The following PRRC2C variants were observed in gnomAD, a reference collection of about 807,000 sequenced individuals.
PRRC2C encodes protein PRRC2C.
PRRC2C carries 72 observed loss-of-function variants against 317.2 expected under a neutral mutation model. That is an observed-to-expected ratio of 0.23 (90% confidence interval 0.19 to 0.28). The LOEUF (loss-of-function observed/expected upper bound fraction) is 0.28. Among genes scored for constraint, PRRC2C ranks in the 10% least tolerant of loss-of-function variants. PRRC2C has a pLI of 1.00. For synonymous variants in PRRC2C, 1,296 were observed against 1,205.9 expected (o/e 1.07, Z -1.55); for missense variants, 3,074 against 3,459.7 (o/e 0.89, Z 2.80).
rs1412989194 is a variant in PRRC2C at position 171,546,831 on chromosome 1, C to T, written c.4972+1144C>T. 2.6e-5 allele frequency among the ~76,000 whole-genome samples: 4 copies of T among 151,752 alleles called. No homozygotes were observed. In the East Asian group the frequency reaches 5.9e-4, roughly 22 times the overall value. On this transcript the variant is annotated intron_variant, in intron 17 of 34. Transcript: ENST00000647382. ...TGGGTTTTCGCCATGTTGTCCAGGT[C>T]GGTCCGGAACTCCTGAGCTTAAGCC...
chr1:171,573,968 C>T (rs188572194), intron 24 of PRRC2C, among the ~76,000 whole-genome samples: 3 of 151,972 alleles, frequency 2.0e-5, no homozygotes, highest in South Asian at 2.1e-4. Context: ...TGAGCCACCG[C>T]ACCCGGCCTC....
intron 17 of PRRC2C, among the ~76,000 whole-genome samples, chr1:171,546,078 A>ATAAT (rs1410908676): frequency 8.5e-5 from 13 of 152,338 alleles, no homozygotes; most frequent in African/African-American, 2.9e-4. Flanking sequence ...GTTAAACTCA[A>ATAAT]TAATTATGTC....
chr1:171,543,322 CAAAA>C (rs1214982713), intron 16 of PRRC2C, among the ~76,000 whole-genome samples: 2 of 62,996 alleles, frequency 3.2e-5, no homozygotes. Flanking sequence ...GACTCCGTCT[CAAAA>C]AAAAAAAAAA....
chr1:171,553,622 T>C (rs1680751844), intron 18 of PRRC2C, among the ~76,000 whole-genome samples: 1 of 152,242 alleles, frequency 6.6e-6, no homozygotes, highest in Non-Finnish European at 1.5e-5. Context: ...TAAATTTCCC[T>C]CTACACACTG....
chr1:171,519,541 A>G (rs952465465), intron 6 of PRRC2C, among the ~76,000 whole-genome samples: 3 of 152,082 alleles, frequency 2.0e-5, no homozygotes, highest in Non-Finnish European at 2.9e-5. Flanking sequence ...TTCATTTATT[A>G]TATACTCTGG....
chr1:171,539,890 T>C (rs528594230), intron 15 of PRRC2C, 81 bp from the exon 16 acceptor site: 1 of 1,177,116 alleles, frequency 8.5e-7, no homozygotes, highest in East Asian at 2.3e-5. Flanking sequence ...GCTTTCTGTT[T>C]TAGAGGGATT....
chr1:171,558,178 G>C (rs1307409228), intron 19 of PRRC2C, 35 bp downstream of exon 19: 5 of 1,571,500 alleles, frequency 3.2e-6, no homozygotes, highest in Non-Finnish European at 4.3e-6. Context: ...GGTGGGGAAT[G>C]GCATAGGAAT....
rs1380162197 is a variant in PRRC2C at position 171,536,402 on chromosome 1, A to T, written c.2293+124A>T. 3 of 1,124,934 alleles carry T rather than the reference A, an allele frequency of 2.7e-6. No homozygotes were observed. The African/African-American group carries it at 4.7e-5, about 18-fold the overall frequency. The allele number at this position is 1,124,934 out of a possible 1,614,324, so 69.7% of individuals were successfully genotyped here. A position where few individuals can be genotyped will look rare whatever the true frequency, so the allele number is the denominator to read the frequency against. ...AAACCTCCGATTTTTAATCAAAATG[A>T]TGTAACTTTCAGCATCGAGTAATTA... On this transcript the variant is annotated intron_variant, in intron 14 of 34. Transcript: ENST00000647382.
At chr1:171,534,711 C>T (rs940207355) in intron 12 of PRRC2C, among the ~76,000 whole-genome samples, 1 of 152,074 alleles carries the variant, frequency 6.6e-6, no homozygotes, top group African/African-American at 2.4e-5. Context: ...CAGTCATGCA[C>T]CACCATGACC....
At chr1:171,505,597 A>G (rs1185743125) in intron 1 of PRRC2C, among the ~76,000 whole-genome samples, 2 of 152,138 alleles carry the variant, frequency 1.3e-5, no homozygotes, top group Non-Finnish European at 2.9e-5. Flanking sequence ...CTTTTAGTAT[A>G]GTGTTGAACA....
In PRRC2C at chr1:171,541,578, C is replaced by G; in HGVS notation, c.4112C>G (p.Ala1371Gly). Residue 1371 changes from alanine (A) to glycine (G), a missense_variant, in exon 16 of 35, where the codon GCT becomes GGT. Around this residue, in one of 11 missense-constraint regions of PRRC2C, gnomAD observed 1,320 missense variants for 1,395.7 expected, o/e 0.95. Transcript: ENST00000647382. This position sits in a 1 kb window ranked among gnomAD's most constrained non-coding sequence, Gnocchi z 4.1. ...CGCCCTTCCACTTTACGAAGACCAG[C>G]TTATCGGGACAATCAGTGGAACCCA... ...PSRPSTLRRP[A>G]YRDNQWNPRQ... 1 of 1,613,816 alleles carries G rather than the reference C, an allele frequency of 6.2e-7. No individual in the cohort carries two copies. Among genetic ancestry groups the G allele is most frequent in the Non-Finnish European group, 8.5e-7 (1 of 1,179,872 alleles).
At chr1:171,589,283 A>T in intron 33 of PRRC2C, 86 bp from the exon 34 acceptor site, 1 of 706,428 alleles carries the variant, frequency 1.4e-6, no homozygotes, top group Admixed American at 3.6e-5. Flanking sequence ...TTACTCTGGG[A>T]TGAGCCAACC....
At position 171,515,774 on chromosome 1, in the gene PRRC2C, C is replaced by G. The variant is rs780454158; in HGVS notation, c.441C>G (p.Ser147Arg). The G allele has an allele frequency of 4.3e-6, 7 of 1,610,750 alleles. No individual in the cohort carries two copies. The highest frequency in any genetic ancestry group is 5.9e-6 in the Non-Finnish European group (7 of 1,178,084). ...GTCAGTTTCAGCAAGAATTTCCCAG[C>G]CTGCAGGCAGCTGGGGATCAGGAAA... ...VNSQFQQEFP[S>R]LQAAGDQEKK... Residue 147 changes from serine to arginine, a missense_variant, in exon 5 of 35, where the codon AGC (serine) becomes AGG (arginine). By Grantham distance (110) the Ser-to-Arg change is moderately radical (BLOSUM62 -1). Transcript: ENST00000647382.
At chr1:171,571,190 G>T (rs938538931) in intron 23 of PRRC2C, 130 bp from the exon 24 acceptor site, 1 of 572,592 alleles carries the variant, frequency 1.7e-6, no homozygotes, top group African/African-American at 1.9e-5. Flanking sequence ...TGACTCTTAA[G>T]TAATCACATA....
intron 22 of PRRC2C, 60 bp from the exon 23 acceptor site, chr1:171,568,187 G>GGAA: frequency 6.6e-7 from 1 of 1,505,334 alleles, no homozygotes; most frequent in South Asian, 1.3e-5. Flanking sequence ...AAAAAAAAGA[G>GGAA]GAAGAAGTGA....
At chr1:171,539,947 A>T in intron 15 of PRRC2C, 24 bp from the exon 16 acceptor site, 1 of 1,554,980 alleles carries the variant, frequency 6.4e-7, no homozygotes, top group Non-Finnish European at 8.7e-7. Context: ...TGTTGATTAT[A>T]CCTTTGAATT....
At chr1:171,529,886 GT>G (rs1328203837) in intron 11 of PRRC2C, among the ~76,000 whole-genome samples, 1 of 151,852 alleles carries the variant, frequency 6.6e-6, no homozygotes, top group African/African-American at 2.4e-5. Flanking sequence ...TCCTGAAATC[GT>G]TGTTATGATC....
At position 171,522,119 on chromosome 1, in the gene PRRC2C, AT is replaced by A. The variant is rs111381164; in HGVS notation, c.751-52del. ...AGGCTCAGATTTATATATATATATA[AT>A]TTTTTAAAATAACTAGGTTGCTAAA... On this transcript the variant is annotated intron_variant, in intron 6 of 34. Coordinates refer to ENST00000647382, the MANE Select transcript of PRRC2C (RefSeq NM_001387844.1). 1.0e-5 allele frequency: 9 copies of A among 857,428 alleles called. No homozygotes were observed. In the African/African-American group the frequency reaches 1.4e-4, roughly 13 times the overall value. 53.1% of individuals were successfully genotyped at this position (857,428 alleles called of 1,614,324 possible).
intron 30 of PRRC2C, among the ~76,000 whole-genome samples, chr1:171,586,272 G>A (rs1649951378): frequency 6.7e-6 from 1 of 149,386 alleles, no homozygotes; most frequent in South Asian, 2.1e-4. Context: ...TTTTTTTTTA[G>A]TAGAGACGGA....
Sources: gnomAD v4.1 joint callset for allele counts (sites outside exome capture counted in the v4.1 genomes callset) on GRCh38, gnomAD v4.1.1 for gene constraint, gnomAD v4.1.1 regional missense constraint, Gnocchi (gnomAD v3.1) non-coding constraint, MANE v1.5 for transcripts, NCBI Gene and HGNC (gene_info 2026-07-23, HGNC 2026-07-21) for gene names.